The following ESYT2 variants were observed in gnomAD, a reference collection of about 807,000 sequenced individuals.
ESYT2 encodes the protein extended synaptotagmin 2, also known as extended synaptotagmin-2.
A neutral mutation model predicts 107.2 loss-of-function variants in ESYT2; 54 were observed. That is an observed-to-expected ratio of 0.50 (90% CI 0.40 to 0.63). The LOEUF (loss-of-function observed/expected upper bound fraction) is 0.63, where lower values mean the gene tolerates loss of function less well. Among genes scored for constraint, ESYT2 ranks in the 30% least tolerant of loss-of-function variants. The pLI is 0.00. For missense variants in ESYT2, 1,020 were observed against 1,094.5 expected, an observed-to-expected ratio of 0.93 and a Z score of 0.96; for synonymous variants, 491 against 434.1, an observed-to-expected ratio of 1.13 and a Z score of -1.63.
At chr7:158,771,590 C>T (rs1838373412) in intron 7 of ESYT2, among the ~76,000 whole-genome samples, 1 of 152,176 alleles carries the variant, frequency 6.6e-6, no homozygotes, top group African/African-American at 2.4e-5. Flanking sequence ...CAAGAGACTG[C>T]CTGAAAACAA....
intron 1 of ESYT2, among the ~76,000 whole-genome samples, chr7:158,806,148 C>T (rs113775193): frequency 7.1e-6 from 1 of 139,982 alleles, no homozygotes; most frequent in South Asian, 2.2e-4. Context: ...GGGCACACCG[C>T]GTAGGAGGCG....
At chr7:158,789,154 G>C (rs753031397) in intron 4 of ESYT2, among the ~76,000 whole-genome samples, 9 of 152,136 alleles carry the variant, frequency 5.9e-5, no homozygotes, top group Admixed American at 5.9e-4. Flanking sequence ...GCTAGAAAGG[G>C]AATGTCTAAG....
At chr7:158,799,470 C>A (rs1365644014) in intron 1 of ESYT2, among the ~76,000 whole-genome samples, 1 of 152,088 alleles carries the variant, frequency 6.6e-6, no homozygotes, top group South Asian at 2.1e-4. Flanking sequence ...GAGCCCCTAC[C>A]CTTCCCAGGC....
chr7:158,792,416 T>G (rs915480447), intron 4 of ESYT2, among the ~76,000 whole-genome samples: 3 of 151,450 alleles, frequency 2.0e-5, no homozygotes, highest in African/African-American at 7.3e-5. Flanking sequence ...TAGTCTCAGC[T>G]ACTCGGCAGG....
At chr7:158,766,927 T>C (rs7780982) in intron 8 of ESYT2, among the ~76,000 whole-genome samples, 2,354 of 152,278 alleles carry the variant, frequency 0.015, 60 homozygotes, top group African/African-American at 0.053. Flanking sequence ...ACCCCTTCCA[T>C]AGTCAGCAGA....
intron 6 of ESYT2, among the ~76,000 whole-genome samples, chr7:158,786,850 T>C (rs58105951): frequency 0.011 from 1,730 of 152,334 alleles, 33 homozygotes; most frequent in African/African-American, 0.039. Flanking sequence ...CATCATTCAT[T>C]TGCCAGACTC....
At chr7:158,740,095 C>T (rs554826786) in intron 18 of ESYT2, among the ~76,000 whole-genome samples, 7 of 152,300 alleles carry the variant, frequency 4.6e-5, no homozygotes, top group Middle Eastern at 3.4e-3. Context: ...CCTGCTCCAC[C>T]GGCGCTAACT....
intron 1 of ESYT2, among the ~76,000 whole-genome samples, chr7:158,800,627 C>T (rs372198926): frequency 5.6e-4 from 85 of 152,118 alleles, no homozygotes; most frequent in African/African-American, 2.0e-3. Flanking sequence ...TGGCCTCAAG[C>T]AATCCTCCTG....
At chr7:158,771,122 T>C (rs1838352736) in intron 7 of ESYT2, among the ~76,000 whole-genome samples, 1 of 152,240 alleles carries the variant, frequency 6.6e-6, no homozygotes, top group East Asian at 1.9e-4. Flanking sequence ...TGAATGACTT[T>C]TAAATAAAAT....
At chr7:158,805,150 A>C (rs986157448) in intron 1 of ESYT2, among the ~76,000 whole-genome samples, 4 of 152,172 alleles carry the variant, frequency 2.6e-5, no homozygotes. Flanking sequence ...CAGTAGAGTG[A>C]CTTAAATATA....
At chr7:158,747,175 C>T (rs1473183582) in intron 16 of ESYT2, among the ~76,000 whole-genome samples, 3 of 151,604 alleles carry the variant, frequency 2.0e-5, no homozygotes, top group African/African-American at 4.8e-5. Flanking sequence ...GGTGAAACCC[C>T]GTCTCCACTA....
In ESYT2 at chr7:158,817,450, C is replaced by A. The variant is rs901589273; in HGVS notation, c.330+11639G>T. Among the ~76,000 whole-genome samples, 7 of 152,210 alleles carry A rather than the reference C, an allele frequency of 4.6e-5. No individual in the cohort carries two copies. The South Asian group carries it at 8.3e-4, about 18-fold the overall frequency. ...CTTTGAGTCCAGCTATGATCTGGAG[C>A]GCTCCCCACACCAACCTGCTTCCAG... is the stretch of plus-strand genomic sequence containing the variant. On this transcript the variant is annotated intron_variant, in intron 1 of 22. Transcript: ENST00000275418.
Position 158,759,490 on chromosome 7 carries a change from A to G in ESYT2, c.1415T>C (p.Leu472Pro), listed in dbSNP as rs766306445. Reference sequence around the variant, plus strand: ...TGTTACCACTGTGTTACCTACCGGAAGGTTCCTTGCTGAATCCAAGTACAA... The same window carrying G: ...TGTTACCACTGTGTTACCTACCGGAGGGTTCCTTGCTGAATCCAAGTACAA... ...LILYLDSARN[L>P]PSNPLEFNPD... The change falls in exon 13 of 23, where the codon CTT becomes CCT. Residue 472 changes from leucine to proline, a missense_variant. Transcript: ENST00000275418. 2.5e-6 allele frequency: 4 copies of G among 1,609,452 alleles called. No individual in the cohort carries two copies. Among genetic ancestry groups the G allele is most frequent in the South Asian group, 1.1e-5 (1 of 90,838 alleles).
At chr7:158,783,983 G>A (rs1484676778) in intron 6 of ESYT2, among the ~76,000 whole-genome samples, 3 of 152,154 alleles carry the variant, frequency 2.0e-5, no homozygotes, top group Admixed American at 2.0e-4. Context: ...AATGTCCCAG[G>A]CTGGTAGAGA....
rs143497407 is a variant in ESYT2 at position 158,754,091 on chromosome 7, T to C, written c.1420-1248A>G. On this transcript the variant is annotated intron_variant, in intron 13 of 22. Transcript: ENST00000275418. ...GATGAGACAGACTAGACCAGGCAAG[T>C]GCTTCAGGCAGGTGCCCCGTCGGGA... Among the ~76,000 whole-genome samples, 3 of 152,308 alleles carry C rather than the reference T, an allele frequency of 2.0e-5. No individual in the cohort carries two copies. In the East Asian group the frequency reaches 5.8e-4, roughly 29 times the overall value.
intron 6 of ESYT2, among the ~76,000 whole-genome samples, chr7:158,774,164 T>G (rs935000163): frequency 6.6e-6 from 1 of 152,242 alleles, no homozygotes; most frequent in African/African-American, 2.4e-5. Context: ...CTAAGTAAAA[T>G]TGCATGATCT....
At chr7:158,751,757 A>G (rs903009221) in intron 14 of ESYT2, among the ~76,000 whole-genome samples, 2 of 141,570 alleles carry the variant, frequency 1.4e-5, no homozygotes, top group Non-Finnish European at 2.9e-5. Context: ...TGGAGGTCAC[A>G]CTGCTTGCTG....
At chr7:158,767,610 T>TC in intron 8 of ESYT2, 44 bp downstream of exon 8, 7 of 1,592,058 alleles carry the variant, frequency 4.4e-6, no homozygotes, top group Non-Finnish European at 6.0e-6. Context: ...CAGGCAGGTC[T>TC]CCAAGATGTT....
intron 1 of ESYT2, among the ~76,000 whole-genome samples, chr7:158,799,547 G>C (rs1839570893): frequency 1.3e-5 from 2 of 152,152 alleles, no homozygotes; most frequent in South Asian, 4.2e-4. Context: ...GATCCCTTGA[G>C]CCCAGGAGCT....
Sources: gnomAD v4.1 joint callset for allele counts (sites outside exome capture counted in the v4.1 genomes callset) on GRCh38, gnomAD v4.1.1 for gene constraint, MANE v1.5 for transcripts, NCBI Gene and HGNC (gene_info 2026-07-23, HGNC 2026-07-21) for gene names.